GABRG3: variants seen among roughly 807,000 people sequenced by gnomAD.
The protein encoded by GABRG3 is gamma-aminobutyric acid type A receptor subunit gamma3, also known as gamma-aminobutyric acid receptor subunit gamma-3.
A neutral mutation model predicts 48.8 loss-of-function variants in GABRG3; 25 were observed. The observed-to-expected ratio is 0.51, with a 90% CI of 0.37 to 0.72. GABRG3 has a LOEUF of 0.72. GABRG3 is among the 30% of genes least tolerant of loss of function. GABRG3 has a pLI of 0.00. For missense variants in GABRG3, 394 were observed against 577.9 expected (o/e 0.68, Z 3.26); for synonymous variants, 227 against 217.6 (o/e 1.04, Z -0.38).
chr15:27,526,409 G>A (rs1176885074), intron 7 of GABRG3, among the ~76,000 whole-genome samples: 1 of 152,170 alleles, frequency 6.6e-6, no homozygotes, highest in Non-Finnish European at 1.5e-5. Context: ...GTCCCATTGA[G>A]CTACAGAGGT....
rs1898083419 is a variant in GABRG3 at position 27,140,454 on chromosome 15, T to A, written c.270+113633T>A. 2.0e-5 allele frequency among the ~76,000 whole-genome samples: 3 copies of A among 152,216 alleles called. No individual in the cohort carries two copies. In the South Asian group the frequency reaches 6.2e-4, roughly 32 times the overall value. On this transcript the variant is annotated intron_variant, in intron 3 of 9. Transcript: ENST00000615808. ...AGAGAATATCAAAAGAAATTTGAGT[T>A]TGAGTGTTTTTAATCTCAGTATTTA...
chr15:27,354,990 T>G (rs1894788043), intron 5 of GABRG3, among the ~76,000 whole-genome samples: 1 of 152,126 alleles, frequency 6.6e-6, no homozygotes, highest in African/African-American at 2.4e-5. Flanking sequence ...CGGAGGATCA[T>G]TGAGAAGGAG....
At chr15:27,311,104 A>G (rs1030691452) in intron 3 of GABRG3, among the ~76,000 whole-genome samples, 1 of 152,202 alleles carries the variant, frequency 6.6e-6, no homozygotes, top group Non-Finnish European at 1.5e-5. Context: ...TTCCTGAGCA[A>G]GAAGACAGAA....
chr15:27,328,120 A>C (rs28445765), intron 4 of GABRG3, among the ~76,000 whole-genome samples: 3,753 of 144,876 alleles, frequency 0.026, 78 homozygotes, highest in African/African-American at 0.071. Context: ...AACAAACAAA[A>C]AAAAAAACCA....
intron 5 of GABRG3, among the ~76,000 whole-genome samples, chr15:27,375,395 T>C (rs1047299677): frequency 2.6e-5 from 4 of 152,166 alleles, no homozygotes; most frequent in Admixed American, 1.3e-4. Flanking sequence ...CAGTTCAATA[T>C]GTCAAAGTGC....
intron 6 of GABRG3, among the ~76,000 whole-genome samples, chr15:27,516,748 T>A (rs2150860683): frequency 6.6e-6 from 1 of 152,284 alleles, no homozygotes; most frequent in Admixed American, 6.5e-5. Context: ...CTAAAATAAA[T>A]GAATAAGTAA....
At chr15:27,336,200 AAGAAAGAAAGAG>A (rs1201308284) in intron 5 of GABRG3, among the ~76,000 whole-genome samples, 38 of 143,632 alleles carry the variant, frequency 2.6e-4, no homozygotes, top group African/African-American at 1.1e-3. Flanking sequence ...AAAAGAAAGA[AAGAAAGAAAGAG>A]AGAGAGAGAG....
chr15:27,072,719 T>C (rs1896848622), intron 3 of GABRG3, among the ~76,000 whole-genome samples: 1 of 152,158 alleles, frequency 6.6e-6, no homozygotes, highest in Admixed American at 6.5e-5. Flanking sequence ...CAGGATTGTT[T>C]CCATACCACC....
chr15:27,466,213 T>A (rs1415523872), intron 5 of GABRG3, among the ~76,000 whole-genome samples: 1 of 152,222 alleles, frequency 6.6e-6, no homozygotes, highest in African/African-American at 2.4e-5. Context: ...AGCAGCAGAC[T>A]TTACAATATT....
At chr15:27,263,923 C>CA (rs71132805) in intron 3 of GABRG3, among the ~76,000 whole-genome samples, 1,432 of 136,800 alleles carry the variant, frequency 0.01, 9 homozygotes, top group East Asian at 0.021. Context: ...GAGACTCTGT[C>CA]AAAAAAAAAA....
intron 3 of GABRG3, among the ~76,000 whole-genome samples, chr15:27,077,805 G>A (rs555441141): frequency 6.6e-6 from 1 of 152,296 alleles, no homozygotes; most frequent in African/African-American, 2.4e-5. Flanking sequence ...GTCCTAAACA[G>A]TATTTAAGGC....
chr15:27,433,684 G>T (rs985802949), intron 5 of GABRG3, among the ~76,000 whole-genome samples: 1 of 152,140 alleles, frequency 6.6e-6, no homozygotes, highest in African/African-American at 2.4e-5. Flanking sequence ...TATTGTATGT[G>T]TGTCGATATG....
At chr15:27,108,731 T>G (rs1455581488) in intron 3 of GABRG3, among the ~76,000 whole-genome samples, 1 of 152,188 alleles carries the variant, frequency 6.6e-6, no homozygotes, top group Non-Finnish European at 1.5e-5. Flanking sequence ...CAGTTTTTCC[T>G]TCATTTATTT....
At chr15:27,335,939 G>A (rs1317809017) in intron 5 of GABRG3, among the ~76,000 whole-genome samples, 1 of 152,186 alleles carries the variant, frequency 6.6e-6, no homozygotes, top group East Asian at 1.9e-4. Context: ...TGTAATCTCA[G>A]CACTTTGGGA....
At chr15:27,285,514 T>A (rs1891582445) in intron 3 of GABRG3, among the ~76,000 whole-genome samples, 3 of 152,248 alleles carry the variant, frequency 2.0e-5, no homozygotes, top group Admixed American at 2.0e-4. Flanking sequence ...AAATTGTATA[T>A]CATGTTTGAA....
At chr15:27,519,943 G>A in intron 6 of GABRG3, 29 bp from the exon 7 acceptor site, 1 of 1,435,042 alleles carries the variant, frequency 7.0e-7, no homozygotes, top group Non-Finnish European at 9.3e-7. Flanking sequence ...CATCAAAGTT[G>A]TCTTAATTTT....
At chr15:27,092,164 C>G (rs976814980) in intron 3 of GABRG3, among the ~76,000 whole-genome samples, 26 of 152,130 alleles carry the variant, frequency 1.7e-4, no homozygotes, top group African/African-American at 5.8e-4. Flanking sequence ...CCTCTGATGT[C>G]CCATTCACCC....
chr15:27,307,510 CAT>C lies in GABRG3; in HGVS notation c.271-19297_271-19296del, dbSNP rs776441534. 1.5e-3 allele frequency among the ~76,000 whole-genome samples: 36 copies of C among 23,334 alleles called. 1 individual carries two copies. The highest frequency in any genetic ancestry group is 6.5e-3 in the African/African-American group (32 of 4,926). 15.3% of individuals were successfully genotyped at this position (23,334 alleles called of 152,430 possible). A position where few individuals can be genotyped will look rare whatever the true frequency, so the allele number is the denominator to read the frequency against. Reference sequence around the variant, plus strand: ...ATAGGTTTATATATTTATATATAAACATAGGTTTATAGGTTTATATATTTATA... The same window carrying C: ...ATAGGTTTATATATTTATATATAAACAGGTTTATAGGTTTATATATTTATA... On this transcript the variant is annotated intron_variant, in intron 3 of 9. Transcript: ENST00000615808.
intron 5 of GABRG3, among the ~76,000 whole-genome samples, chr15:27,451,720 A>G (rs910977319): frequency 2.5e-4 from 38 of 152,344 alleles, no homozygotes; most frequent in African/African-American, 8.2e-4. Context: ...CTGCACAGCA[A>G]AGGAAACAAT....
Sources: gnomAD v4.1 joint callset for allele counts (sites outside exome capture counted in the v4.1 genomes callset) on GRCh38, gnomAD v4.1.1 for gene constraint, MANE v1.5 for transcripts, NCBI Gene and HGNC (gene_info 2026-07-23, HGNC 2026-07-21) for gene names.